TRIM24: variants seen among roughly 807,000 people sequenced by gnomAD.
TRIM24 encodes transcription intermediary factor 1-alpha.
Under a neutral mutation model 123.9 loss-of-function variants are expected in TRIM24, and 29 were observed. The observed-to-expected ratio is 0.23, with a 90% CI of 0.17 to 0.32. The LOEUF (loss-of-function observed/expected upper bound fraction) is 0.32. Among genes scored for constraint, TRIM24 ranks in the 10% least tolerant of loss-of-function variants. The probability of loss-of-function intolerance (pLI) is 1.00; values close to 1 mark genes in which losing one functional copy is unlikely to be tolerated. For missense variants in TRIM24, 932 were observed against 1,295.3 expected, an observed-to-expected ratio of 0.72 and a Z score of 4.31; for synonymous variants, 456 against 461.1, an observed-to-expected ratio of 0.99 and a Z score of 0.14.
At chr7:138,471,711 T>G (rs1443800154) in intron 1 of TRIM24, among the ~76,000 whole-genome samples, 1 of 152,056 alleles carries the variant, frequency 6.6e-6, no homozygotes, top group Non-Finnish European at 1.5e-5. Flanking sequence ...TGGCTAATTT[T>G]TGTATTTTTA....
chr7:138,576,352 G>A, intron 12 of TRIM24, 21 bp from the exon 13 acceptor site: 1 of 1,607,696 alleles, frequency 6.2e-7, no homozygotes, highest in Non-Finnish European at 8.5e-7. Flanking sequence ...TTTTATGAAT[G>A]TATGGTTTCC....
intron 5 of TRIM24, among the ~76,000 whole-genome samples, chr7:138,526,727 CTT>C (rs766401251): frequency 6.6e-6 from 1 of 152,094 alleles, no homozygotes; most frequent in Non-Finnish European, 1.5e-5. Flanking sequence ...TTACTTTTCT[CTT>C]TGACACAACT....
chr7:138,482,004 G>A lies in TRIM24; in HGVS notation c.364+21092G>A, dbSNP rs762453881. ...TCTTTTCCCAGTGCTCTACACCGCC[G>A]TGCTTATAATTATGTATGCGTGAGT... On this transcript the variant is annotated intron_variant, in intron 1 of 18. Coordinates refer to ENST00000343526, the MANE Select transcript of TRIM24 (RefSeq NM_015905.3). 2.0e-4 allele frequency among the ~76,000 whole-genome samples: 30 copies of A among 152,082 alleles called. 1 individual carries two copies. Among genetic ancestry groups the A allele is most frequent in the African/African-American group, 6.0e-4 (25 of 41,420 alleles).
intron 2 of TRIM24, among the ~76,000 whole-genome samples, chr7:138,508,720 C>CGTGTGTGTGTGTGA (rs1554436717): frequency 1.4e-5 from 1 of 72,514 alleles, no homozygotes; most frequent in Non-Finnish European, 3.1e-5. Context: ...TGTGTGTGTG[C>CGTGTGTGTGTGTGA]GTGTGTGTGT....
At chr7:138,534,485 C>T (rs944379600) in intron 6 of TRIM24, among the ~76,000 whole-genome samples, 2 of 152,194 alleles carry the variant, frequency 1.3e-5, no homozygotes, top group African/African-American at 2.4e-5. Flanking sequence ...AGTAGTCATT[C>T]AGGAGCAGGT....
intron 4 of TRIM24, among the ~76,000 whole-genome samples, chr7:138,521,945 A>G (rs1796510974): frequency 6.6e-6 from 1 of 152,208 alleles, no homozygotes; most frequent in East Asian, 1.9e-4. Flanking sequence ...CCATAGTCAC[A>G]GTGGAAAATC....
chr7:138,512,331 A>T (rs1173049641), intron 2 of TRIM24, among the ~76,000 whole-genome samples: 1 of 152,074 alleles, frequency 6.6e-6, no homozygotes. Flanking sequence ...CTTTCTTCTC[A>T]CAGCTCACTT....
chr7:138,583,127 C>G (rs1797936930), intron 17 of TRIM24, among the ~76,000 whole-genome samples: 1 of 152,168 alleles, frequency 6.6e-6, no homozygotes, highest in Non-Finnish European at 1.5e-5. Context: ...GTAGCTTACC[C>G]AGGACCATGA....
chr7:138,484,299 G>A (rs1458732320), intron 1 of TRIM24, among the ~76,000 whole-genome samples: 1 of 151,656 alleles, frequency 6.6e-6, no homozygotes, highest in Admixed American at 6.6e-5. Context: ...AGTAGAGATG[G>A]TGTTTCACCA....
In TRIM24 at chr7:138,586,610, T is replaced by C. The variant is rs1206771240; in HGVS notation, c.*1659T>C. ...TCAAATATGTGTTACATGGTAATGT[T>C]TGTCATTGTTGTTTTAAAGTTGCAT... On this transcript the variant is annotated 3_prime_UTR_variant, in exon 19 of 19. Transcript: ENST00000343526. 6.6e-6 allele frequency: 1 copy of C among 152,252 alleles called. No individual in the cohort carries two copies. Among genetic ancestry groups the C allele is most frequent in the Admixed American group, 6.5e-5 (1 of 15,280 alleles). The allele number at this position is 152,252 out of a possible 1,614,324, so 9.4% of individuals were successfully genotyped here. A position where few individuals can be genotyped will look rare whatever the true frequency, so the allele number is the denominator to read the frequency against.
chr7:138,560,639 CT>C (rs1797407250), intron 9 of TRIM24, among the ~76,000 whole-genome samples: 2 of 152,200 alleles, frequency 1.3e-5, no homozygotes, highest in Admixed American at 1.3e-4. Flanking sequence ...TCCAAGTAGT[CT>C]TTCTAGTGCC....
chr7:138,579,354 G>T lies in TRIM24; in HGVS notation c.2407G>T (p.Glu803Ter). Residue 803 changes from glutamate (E) to a stop codon, truncating the protein, a stop_gained, in exon 15 of 19, where the codon GAA (glutamate) becomes TAA (stop). Coordinates refer to ENST00000343526, the MANE Select transcript of TRIM24 (RefSeq NM_015905.3). LOFTEE classifies it high-confidence loss of function. The part of the protein sequence containing the change: ...HQDNSSNGKS[E>*]WLDPSQKSPL... ...GGACAATTCCTCAAATGGAAAGTCTGAATGGTTGGATCCTTCCCAGAAGTC... is the reference window on the plus strand; with the variant it reads ...GGACAATTCCTCAAATGGAAAGTCTTAATGGTTGGATCCTTCCCAGAAGTC... 6.2e-7 allele frequency: 1 copy of T among 1,614,152 alleles called. No homozygotes were observed. The highest frequency in any genetic ancestry group is 8.5e-7 in the Non-Finnish European group (1 of 1,180,022).
At chr7:138,472,107 G>A (rs1795284445) in intron 1 of TRIM24, among the ~76,000 whole-genome samples, 1 of 152,036 alleles carries the variant, frequency 6.6e-6, no homozygotes, top group Non-Finnish European at 1.5e-5. Context: ...ATGAGAGGGA[G>A]ATGAAAAGAC....
intron 3 of TRIM24, among the ~76,000 whole-genome samples, chr7:138,517,427 G>T (rs1423652242): frequency 1.3e-5 from 2 of 151,870 alleles, no homozygotes; most frequent in African/African-American, 2.4e-5. Context: ...CTGGAGTGCA[G>T]TGGTGCGATC....
At chr7:138,538,325 G>C (rs1208874094) in intron 6 of TRIM24, among the ~76,000 whole-genome samples, 1 of 152,166 alleles carries the variant, frequency 6.6e-6, no homozygotes, top group South Asian at 2.1e-4. Flanking sequence ...CAGTACATCT[G>C]TTTTATTTGT....
chr7:138,471,614 C>T (rs902660544), intron 1 of TRIM24, among the ~76,000 whole-genome samples: 1 of 152,004 alleles, frequency 6.6e-6, no homozygotes, highest in Non-Finnish European at 1.5e-5. Flanking sequence ...AATCTTGGCT[C>T]ACTGCAACCT....
At chr7:138,519,771 C>T (rs1387905783) in intron 4 of TRIM24, among the ~76,000 whole-genome samples, 2 of 151,932 alleles carry the variant, frequency 1.3e-5, no homozygotes, top group South Asian at 2.1e-4. Flanking sequence ...TTTGAGAAAA[C>T]GGAAGCTGTT....
At chr7:138,525,188 G>T in intron 4 of TRIM24, 53 bp from the exon 5 acceptor site, 8 of 801,574 alleles carry the variant, frequency 1.0e-5, no homozygotes, top group South Asian at 4.5e-5. Flanking sequence ...TTTATTCTTG[G>T]ACTTTTTCCT....
intron 1 of TRIM24, among the ~76,000 whole-genome samples, chr7:138,470,051 A>C (rs1795236454): frequency 6.6e-6 from 1 of 151,594 alleles, no homozygotes; most frequent in African/African-American, 2.4e-5. Context: ...TTAACTGTAC[A>C]CAGCTGCCCT....
Sources: allele counts gnomAD v4.1 joint callset (sites outside exome capture counted in the v4.1 genomes callset), GRCh38; gene constraint gnomAD v4.1.1; transcripts MANE v1.5; gene names NCBI Gene and HGNC (gene_info 2026-07-23, HGNC 2026-07-21).